WWOX: variants seen among roughly 807,000 people sequenced by gnomAD.
WWOX encodes the protein WW domain-containing oxidoreductase.
In WWOX, 69 loss-of-function variants were observed where a neutral mutation model predicts 46.2. That is an observed-to-expected ratio of 1.49 (90% confidence interval 1.23 to 1.82). The LOEUF (loss-of-function observed/expected upper bound fraction) is 1.82. WWOX is among the 40% of genes most tolerant of loss of function. The pLI is 0.00. For missense variants in WWOX, 919 were observed against 542.6 expected, an observed-to-expected ratio of 1.69 and a Z score of -6.89; for synonymous variants, 359 against 202.6, an observed-to-expected ratio of 1.77 and a Z score of -6.56.
intron 5 of WWOX, among the ~76,000 whole-genome samples, chr16:78,351,345 G>A (rs1680582611): frequency 6.6e-6 from 1 of 152,166 alleles, no homozygotes. Context: ...GCAGAAAAAA[G>A]TACTGATTGT....
At chr16:78,323,147 G>A (rs960086509) in intron 5 of WWOX, among the ~76,000 whole-genome samples, 7 of 151,954 alleles carry the variant, frequency 4.6e-5, no homozygotes, top group African/African-American at 7.3e-5. Flanking sequence ...TTGCTCTGTT[G>A]CCCAGGCTGG....
chr16:78,248,153 C>G (rs762357578), intron 5 of WWOX, among the ~76,000 whole-genome samples: 1 of 152,138 alleles, frequency 6.6e-6, no homozygotes, highest in Non-Finnish European at 1.5e-5. Context: ...AATTGGCTCA[C>G]AGTTCCACAG....
intron 8 of WWOX, among the ~76,000 whole-genome samples, chr16:79,184,376 G>A (rs1332115518): frequency 6.6e-6 from 1 of 152,196 alleles, no homozygotes; most frequent in Non-Finnish European, 1.5e-5. Flanking sequence ...TAGGAACAAA[G>A]TGTGTCCATG....
At chr16:78,486,666 C>T (rs1190200729) in intron 8 of WWOX, among the ~76,000 whole-genome samples, 2 of 152,172 alleles carry the variant, frequency 1.3e-5, no homozygotes, top group African/African-American at 4.8e-5. Context: ...CCTCTGCCTC[C>T]TGGGTTTAAG....
At chr16:79,007,098 G>T (rs1012542424) in intron 8 of WWOX, among the ~76,000 whole-genome samples, 3 of 152,162 alleles carry the variant, frequency 2.0e-5, no homozygotes, top group African/African-American at 7.2e-5. Context: ...GCTATGCCAA[G>T]CAGAGAGGTC....
At chr16:79,138,357 T>C (rs938252846) in intron 8 of WWOX, among the ~76,000 whole-genome samples, 1 of 152,230 alleles carries the variant, frequency 6.6e-6, no homozygotes, top group African/African-American at 2.4e-5. Flanking sequence ...TAGTGACTCA[T>C]GATGTATCCT....
At chr16:78,529,264 C>T (rs72803911) in intron 8 of WWOX, among the ~76,000 whole-genome samples, 16,520 of 152,086 alleles carry the variant, frequency 0.11, 1,031 homozygotes, top group South Asian at 0.24. Context: ...CAAGAACTTT[C>T]TATTATATAG....
chr16:78,767,494 G>C (rs939432568), intron 8 of WWOX, among the ~76,000 whole-genome samples: 1 of 151,656 alleles, frequency 6.6e-6, no homozygotes, highest in Non-Finnish European at 1.5e-5. Flanking sequence ...GTGTGTGTGT[G>C]TGTGTGTGTG....
Position 78,503,887 on chromosome 16 carries a change from A to C in WWOX, c.1056+71135A>C, listed in dbSNP as rs115743850. The C allele has an allele frequency of 3.3e-5, 5 of 152,234 alleles. No homozygotes were observed. The East Asian group carries it at 9.6e-4, about 29-fold the overall frequency. The allele number at this position is 152,234 out of a possible 1,614,324, so 9.4% of individuals were successfully genotyped here. On this transcript the variant is annotated intron_variant, in intron 8 of 8. Coordinates refer to ENST00000566780, the MANE Select transcript of WWOX (RefSeq NM_016373.4). ...TAAACTTAGCCAGTTGAAGATTAAC[A>C]TGCAATATATAATATGCATGCGACT...
chr16:78,912,424 G>C (rs1369082293), intron 8 of WWOX, among the ~76,000 whole-genome samples: 1 of 151,872 alleles, frequency 6.6e-6, no homozygotes, highest in Non-Finnish European at 1.5e-5. Flanking sequence ...CACACAATTA[G>C]TAGATGGCAG....
chr16:78,125,018 A>G (rs1289089460), intron 4 of WWOX, among the ~76,000 whole-genome samples: 1 of 152,190 alleles, frequency 6.6e-6, no homozygotes, highest in African/African-American at 2.4e-5. Flanking sequence ...AATCAGAATC[A>G]AATTTCTTCT....
At chr16:78,255,904 C>T (rs926788106) in intron 5 of WWOX, among the ~76,000 whole-genome samples, 2 of 152,170 alleles carry the variant, frequency 1.3e-5, no homozygotes, top group Middle Eastern at 3.4e-3. Context: ...ATAATCTCAG[C>T]ACTTTGAGAG....
chr16:78,382,904 G>C (rs2081985093), intron 5 of WWOX, among the ~76,000 whole-genome samples: 1 of 151,938 alleles, frequency 6.6e-6, no homozygotes, highest in Admixed American at 6.6e-5. Context: ...AAAGAAAGCA[G>C]GTTTAATTGG....
At chr16:78,772,482 C>G (rs796768167) in intron 8 of WWOX, among the ~76,000 whole-genome samples, 1 of 152,020 alleles carries the variant, frequency 6.6e-6, no homozygotes, top group Non-Finnish European at 1.5e-5. Flanking sequence ...ACGTGTAATT[C>G]TTCTTGGAAA....
chr16:78,106,411 G>GTTTTTTTTTTTTTTTTTT (rs998219778), intron 1 of WWOX, among the ~76,000 whole-genome samples: 3 of 123,684 alleles, frequency 2.4e-5, no homozygotes, highest in Non-Finnish European at 5.1e-5. Context: ...AGTCAGAACG[G>GTTTTTTTTTTTTTTTTTT]TTTTTTTTTG....
chr16:78,614,828 A>G (rs946615718), intron 8 of WWOX, among the ~76,000 whole-genome samples: 3 of 152,254 alleles, frequency 2.0e-5, no homozygotes, highest in African/African-American at 7.2e-5. Context: ...ATGCATGTGC[A>G]GAACGTGCAG....
At chr16:78,619,143 AT>A (rs1362884805) in intron 8 of WWOX, among the ~76,000 whole-genome samples, 2,021 of 3,522 alleles carry the variant, frequency 0.57, 817 homozygotes, top group Middle Eastern at 0.75. Context: ...TAAAAAAAAA[AT>A]ATATATATAT....
intron 6 of WWOX, among the ~76,000 whole-genome samples, chr16:78,416,343 T>C (rs1169021089): frequency 6.6e-6 from 1 of 152,266 alleles, no homozygotes; most frequent in Non-Finnish European, 1.5e-5. Context: ...CTTTTCCTTT[T>C]GTACAAGCCA....
rs2080356926 is a variant in WWOX, at chr16:78,316,434, C to T, written c.517-70426C>T. ...TGGCTCACTGCAACCTCCGACCCCCCTGGGTTCAAGCGATTCTCCTGCCTC... is the reference window on the plus strand; with the variant it reads ...TGGCTCACTGCAACCTCCGACCCCCTTGGGTTCAAGCGATTCTCCTGCCTC... On this transcript the variant is annotated intron_variant, in intron 5 of 8. Transcript: ENST00000566780. 2.0e-5 allele frequency among the ~76,000 whole-genome samples: 3 copies of T among 152,064 alleles called. No individual in the cohort carries two copies. In the South Asian group the frequency reaches 6.3e-4, roughly 32 times the overall value.
Sources: gnomAD v4.1 joint callset for allele counts (sites outside exome capture counted in the v4.1 genomes callset) on GRCh38, gnomAD v4.1.1 for gene constraint, MANE v1.5 for transcripts, NCBI Gene and HGNC (gene_info 2026-07-23, HGNC 2026-07-21) for gene names.